CDH18: variants seen among roughly 807,000 people sequenced by gnomAD.
CDH18 encodes cadherin-18.
CDH18 carries 31 observed loss-of-function variants against 67.9 expected under a neutral mutation model. That is an observed-to-expected ratio of 0.46 (90% CI 0.34 to 0.62). CDH18 has a LOEUF of 0.62. CDH18 is among the 20% of genes least tolerant of loss of function. The pLI, the probability that CDH18 is intolerant of heterozygous loss-of-function variation, is 0.01. For synonymous variants in CDH18, 362 were observed against 347.2 expected (o/e 1.04, Z -0.48); for missense variants, 890 against 975.5 (o/e 0.91, Z 1.17).
chr5:20,479,491 CAG>C (rs1291040285), intron 1 of CDH18, among the ~76,000 whole-genome samples: 1 of 151,986 alleles, frequency 6.6e-6, no homozygotes, highest in Non-Finnish European at 1.5e-5. Flanking sequence ...CAGAATGCAT[CAG>C]AGTCTCTTAC....
At chr5:20,211,025 T>C (rs1439216560) in intron 2 of CDH18, among the ~76,000 whole-genome samples, 1 of 152,118 alleles carries the variant, frequency 6.6e-6, no homozygotes, top group Admixed American at 6.6e-5. Context: ...CCAGTATACA[T>C]CAGATATATT....
chr5:20,566,678 T>C (rs2126661327), intron 1 of CDH18, among the ~76,000 whole-genome samples: 1 of 152,022 alleles, frequency 6.6e-6, no homozygotes, highest in Admixed American at 6.6e-5. Context: ...CCCAGCCTAA[T>C]TCTCTTGATT....
At chr5:20,008,233 T>C (rs1211075035) in intron 2 of CDH18, among the ~76,000 whole-genome samples, 1 of 151,958 alleles carries the variant, frequency 6.6e-6, no homozygotes, top group African/African-American at 2.4e-5. Context: ...TTTGAGAATA[T>C]AAAAAAAACA....
At chr5:20,179,952 T>C (rs1400069468) in intron 2 of CDH18, among the ~76,000 whole-genome samples, 1 of 152,112 alleles carries the variant, frequency 6.6e-6, no homozygotes, top group Non-Finnish European at 1.5e-5. Flanking sequence ...CTGGTGTACA[T>C]AGACATGTGT....
chr5:19,635,889 G>T (rs936971258), intron 5 of CDH18, among the ~76,000 whole-genome samples: 7 of 152,098 alleles, frequency 4.6e-5, no homozygotes, highest in African/African-American at 1.7e-4. Context: ...TTTGGCAGAA[G>T]AAAAAGGAGA....
intron 2 of CDH18, among the ~76,000 whole-genome samples, chr5:20,107,377 CTCTTA>C (rs1251148777): frequency 6.6e-6 from 1 of 152,160 alleles, no homozygotes; most frequent in Non-Finnish European, 1.5e-5. Flanking sequence ...CCCAGCCTCT[CTCTTA>C]TAACTTTCCT....
Position 20,375,028 on chromosome 5 carries a change from C to T in CDH18, c.-579-119523G>A, listed in dbSNP as rs368615451. Among the ~76,000 whole-genome samples, 253 of 152,126 alleles carry T rather than the reference C, an allele frequency of 1.7e-3. 4 individuals are homozygous for T. The South Asian group carries it at 0.041, about 25-fold the overall frequency. ...TTTATTTTTAAATATTGTTTAGTTA[C>T]ATTAATTTTAAATATTTATATGAGG... On this transcript the variant is annotated intron_variant, in intron 1 of 14. Transcript: ENST00000507958.
chr5:20,421,253 C>T lies in CDH18; in HGVS notation c.-580+154209G>A, dbSNP rs137999752. 9.3e-3 allele frequency among the ~76,000 whole-genome samples: 1,404 copies of T among 151,162 alleles called. 21 individuals are homozygous for T. The highest frequency in any genetic ancestry group is 0.016 in the Non-Finnish European group (1,064 of 68,012). The stretch of plus-strand genomic sequence containing the variant: ...AGCAGCTTAAAAGCTCTTGCACTTC[C>T]GCTATCAGAGAAGGAATAGCTTTCC... On this transcript the variant is annotated intron_variant, in intron 1 of 14. Coordinates refer to the CDH18 transcript ENST00000507958.
chr5:20,191,584 C>A (rs1250479766), intron 2 of CDH18, among the ~76,000 whole-genome samples: 1 of 151,946 alleles, frequency 6.6e-6, no homozygotes, highest in East Asian at 1.9e-4. Context: ...CAACGTTCAA[C>A]CCCCACTTAT....
chr5:20,044,963 T>C (rs1021382821), intron 2 of CDH18, among the ~76,000 whole-genome samples: 2 of 152,178 alleles, frequency 1.3e-5, no homozygotes, highest in Non-Finnish European at 2.9e-5. Flanking sequence ...ACTCTCTCTC[T>C]CATTGAAAAT....
At chr5:19,890,915 C>T (rs772034700) in intron 2 of CDH18, among the ~76,000 whole-genome samples, 3 of 152,116 alleles carry the variant, frequency 2.0e-5, no homozygotes, top group Non-Finnish European at 4.4e-5. Flanking sequence ...AATTTAAAAC[C>T]AGTTTCTGAG....
chr5:19,608,701 G>A (rs190980450), intron 6 of CDH18, among the ~76,000 whole-genome samples: 3 of 151,762 alleles, frequency 2.0e-5, no homozygotes, highest in Admixed American at 6.6e-5. Context: ...GTGAGTTTAC[G>A]TTCTTGGCAA....
intron 2 of CDH18, among the ~76,000 whole-genome samples, chr5:20,208,594 T>C (rs1264187997): frequency 2.0e-5 from 3 of 152,098 alleles, no homozygotes; most frequent in Non-Finnish European, 4.4e-5. Context: ...GACTTAAACC[T>C]ACGACTGGAA....
chr5:19,706,308 C>T (rs985641731), intron 5 of CDH18, among the ~76,000 whole-genome samples: 3 of 152,218 alleles, frequency 2.0e-5, no homozygotes, highest in African/African-American at 4.8e-5. Context: ...AATGGCTGAT[C>T]GCCTAGTTGC....
chr5:19,741,152 C>CTATCTG (rs143476745), intron 4 of CDH18, among the ~76,000 whole-genome samples: 1 of 146,244 alleles, frequency 6.8e-6, no homozygotes, highest in Non-Finnish European at 1.5e-5. Flanking sequence ...ATATGTACAT[C>CTATCTG]TATGTCATCT....
intron 2 of CDH18, among the ~76,000 whole-genome samples, chr5:19,949,715 G>A (rs1482841908): frequency 6.6e-6 from 1 of 151,908 alleles, no homozygotes; most frequent in Admixed American, 6.6e-5. Flanking sequence ...AAATACGATG[G>A]CAATGTATTT....
chr5:20,339,635 C>A (rs1740085573), intron 1 of CDH18, among the ~76,000 whole-genome samples: 1 of 152,130 alleles, frequency 6.6e-6, no homozygotes, highest in Non-Finnish European at 1.5e-5. Flanking sequence ...ATTCTAGGAA[C>A]CCTCTTTTTA....
intron 2 of CDH18, among the ~76,000 whole-genome samples, chr5:20,009,241 A>G (rs1486369315): frequency 6.6e-6 from 1 of 152,104 alleles, no homozygotes; most frequent in East Asian, 1.9e-4. Flanking sequence ...CTGATTAGAT[A>G]TGAGCTTTTC....
intron 2 of CDH18, among the ~76,000 whole-genome samples, chr5:20,230,123 G>A (rs1394473118): frequency 1.3e-5 from 2 of 152,084 alleles, no homozygotes; most frequent in Admixed American, 1.3e-4. Flanking sequence ...GGTCTAGGTT[G>A]TATGGTGCTC....
Sources: gnomAD v4.1 joint callset for allele counts (sites outside exome capture counted in the v4.1 genomes callset) on GRCh38, gnomAD v4.1.1 for gene constraint, MANE v1.5 for transcripts, NCBI Gene and HGNC (gene_info 2026-07-23, HGNC 2026-07-21) for gene names.